Variants in MYZAP observed in about 807,000 individuals in gnomAD.
The protein encoded by MYZAP is GRINL1A complex locus upstream.
A neutral mutation model predicts 69.4 loss-of-function variants in MYZAP; 66 were observed. The ratio of observed to expected loss-of-function variants is 0.95; its 90% confidence interval spans 0.78 to 1.17. The LOEUF is 1.17. MYZAP is among the 50% of genes most tolerant of loss of function. The pLI is 0.00. For synonymous variants in MYZAP, 256 were observed against 205.9 expected (o/e 1.24, Z -2.09); for missense variants, 611 against 556.2 (o/e 1.10, Z -0.99).
At chr15:57,620,163 G>A (rs1457027866) in intron 3 of MYZAP, among the ~76,000 whole-genome samples, 1 of 152,160 alleles carries the variant, frequency 6.6e-6, no homozygotes, top group Non-Finnish European at 1.5e-5. Flanking sequence ...TTCCCAAAAT[G>A]TTTGTACTTC....
At chr15:57,658,941 G>A (rs1198564503) in intron 10 of MYZAP, among the ~76,000 whole-genome samples, 1 of 152,090 alleles carries the variant, frequency 6.6e-6, no homozygotes, top group Non-Finnish European at 1.5e-5. Context: ...TAAAACTAGG[G>A]CTTTTTAGAG....
intron 11 of MYZAP, among the ~76,000 whole-genome samples, chr15:57,664,067 CTTG>C (rs1278786806): frequency 1.6e-5 from 2 of 128,964 alleles, no homozygotes; most frequent in East Asian, 4.1e-4. Context: ...TGTTTCTGTT[CTTG>C]TTTTTTTTTT....
intron 11 of MYZAP, among the ~76,000 whole-genome samples, chr15:57,668,577 AG>A (rs1386744846): frequency 3.3e-5 from 5 of 152,208 alleles, no homozygotes; most frequent in Non-Finnish European, 7.3e-5. Context: ...GGGGATATAG[AG>A]TGCTGTCTCA....
chr15:57,672,011 C>A (rs1226251948), intron 11 of MYZAP, among the ~76,000 whole-genome samples: 1 of 152,122 alleles, frequency 6.6e-6, no homozygotes, highest in Non-Finnish European at 1.5e-5. Flanking sequence ...TTAGCCAGAC[C>A]CAACTACATC....
chr15:57,600,793 A>G (rs1255507099), intron 1 of MYZAP, among the ~76,000 whole-genome samples: 1 of 152,182 alleles, frequency 6.6e-6, no homozygotes, highest in Non-Finnish European at 1.5e-5. Context: ...TAATAGTAAA[A>G]ATATCTGGCT....
intron 10 of MYZAP, among the ~76,000 whole-genome samples, chr15:57,642,166 A>T (rs772899484): frequency 6.6e-6 from 1 of 152,216 alleles, no homozygotes; most frequent in East Asian, 1.9e-4. Flanking sequence ...GAAGTTCTCT[A>T]GTGTTCCTCC....
At chr15:57,676,957 A>G (rs1324265194) in intron 12 of MYZAP, among the ~76,000 whole-genome samples, 1 of 152,220 alleles carries the variant, frequency 6.6e-6, no homozygotes, top group Non-Finnish European at 1.5e-5. Flanking sequence ...ACCTAGGTCA[A>G]TCAGCAGAGG....
At chr15:57,601,949 G>A (rs979373496) in intron 1 of MYZAP, among the ~76,000 whole-genome samples, 19 of 152,274 alleles carry the variant, frequency 1.2e-4, no homozygotes, top group Middle Eastern at 3.4e-3. Flanking sequence ...AATGGTGTAC[G>A]TGGAAGTGCT....
chr15:57,630,882 A>G (rs2036460856), intron 6 of MYZAP, among the ~76,000 whole-genome samples: 1 of 152,206 alleles, frequency 6.6e-6, no homozygotes, highest in African/African-American at 2.4e-5. Context: ...GAAAGGTGGT[A>G]CTATTGGTAA....
intron 10 of MYZAP, among the ~76,000 whole-genome samples, chr15:57,641,426 A>G (rs376649521): frequency 9.9e-5 from 15 of 152,186 alleles, no homozygotes; most frequent in East Asian, 7.7e-4. Context: ...ACATATGTAT[A>G]TGTGTGTGTG....
chr15:57,658,011 A>AT (rs1353503194), intron 10 of MYZAP, among the ~76,000 whole-genome samples: 1 of 152,096 alleles, frequency 6.6e-6, no homozygotes, highest in Admixed American at 6.5e-5. Context: ...AACATTGGAC[A>AT]TTTTTTCTTA....
At chr15:57,660,697 TC>T (rs1285459087) in intron 10 of MYZAP, among the ~76,000 whole-genome samples, 1 of 152,196 alleles carries the variant, frequency 6.6e-6, no homozygotes. Context: ...TTATTAATGA[TC>T]CTGCATACTG....
chr15:57,652,356 C>T (rs2140510552), intron 10 of MYZAP, among the ~76,000 whole-genome samples: 1 of 152,216 alleles, frequency 6.6e-6, no homozygotes, highest in South Asian at 2.1e-4. Context: ...CTGATCTTGT[C>T]ATATTTCTCT....
intron 1 of MYZAP, among the ~76,000 whole-genome samples, chr15:57,600,532 G>C (rs1211840856): frequency 6.6e-6 from 1 of 152,224 alleles, no homozygotes; most frequent in East Asian, 1.9e-4. Flanking sequence ...TAGATGGGCA[G>C]ATGAAGAATG....
chr15:57,632,566 G>T lies in MYZAP; in HGVS notation c.804+7G>T, dbSNP rs1280649358. On this transcript the variant is annotated splice_region_variant and intron_variant, in intron 7 of 12. Transcript: ENST00000267853. ...TGAGAAGGAGGCTCTTTTGGTGTGT[G>T]TGTTGTAGCTGCCGATGTAAACTTA... is the stretch of plus-strand genomic sequence containing the variant. 1 of 1,613,702 alleles carries T rather than the reference G, an allele frequency of 6.2e-7. No individual in the cohort carries two copies.
chr15:57,624,769 AATT>A (rs1356923479), intron 4 of MYZAP, among the ~76,000 whole-genome samples: 2 of 152,132 alleles, frequency 1.3e-5, no homozygotes, highest in Non-Finnish European at 2.9e-5. Flanking sequence ...AAGATTGCTA[AATT>A]ATTGCTATTG....
intron 2 of MYZAP, among the ~76,000 whole-genome samples, chr15:57,606,791 A>G (rs886571935): frequency 6.6e-6 from 1 of 152,234 alleles, no homozygotes; most frequent in Non-Finnish European, 1.5e-5. Flanking sequence ...TGAACTATAT[A>G]TTACATATTA....
At position 57,630,569 on chromosome 15, in the gene MYZAP, G is replaced by T. The variant is rs370200520; in HGVS notation, c.678+715G>T. 6.6e-5 allele frequency among the ~76,000 whole-genome samples: 10 copies of T among 152,150 alleles called. No homozygotes were observed. In the East Asian group the frequency reaches 1.9e-3, roughly 29 times the overall value. Reference sequence around the variant, plus strand: ...ATTCTCAAGAAGAAAATTGGTGGGTGACTAGGGACACTGGGGAATGTCCCA... The same window carrying T: ...ATTCTCAAGAAGAAAATTGGTGGGTTACTAGGGACACTGGGGAATGTCCCA... On this transcript the variant is annotated intron_variant, in intron 6 of 12. Transcript: ENST00000267853.
intron 10 of MYZAP, chr15:57,648,072 A>G (rs2037536793): frequency 1.0e-6 from 1 of 982,848 alleles, no homozygotes; most frequent in Non-Finnish European, 1.2e-6. Flanking sequence ...ATTGTGAATG[A>G]CAATGTTATA....
Sources: gnomAD v4.1 joint callset for allele counts (sites outside exome capture counted in the v4.1 genomes callset) on GRCh38, gnomAD v4.1.1 for gene constraint, MANE v1.5 for transcripts, NCBI Gene and HGNC (gene_info 2026-07-23, HGNC 2026-07-21) for gene names.